Variants in PTPRJ observed in about 807,000 individuals in gnomAD.
PTPRJ encodes the protein protein tyrosine phosphatase receptor type J, also known as receptor-type tyrosine-protein phosphatase eta.
Under a neutral mutation model 141.3 loss-of-function variants are expected in PTPRJ, and 129 were observed. That is an observed-to-expected ratio of 0.91 (90% CI 0.79 to 1.06). PTPRJ has a LOEUF of 1.06. Among genes scored for constraint, PTPRJ ranks in the 50% least tolerant of loss-of-function variants. The pLI is 0.00. For missense variants in PTPRJ, 1,601 were observed against 1,679.7 expected, an observed-to-expected ratio of 0.95 and a Z score of 0.82; for synonymous variants, 610 against 640.5, an observed-to-expected ratio of 0.95 and a Z score of 0.72.
intron 1 of PTPRJ, among the ~76,000 whole-genome samples, chr11:48,072,755 C>A (rs1032127449): frequency 6.6e-6 from 1 of 152,024 alleles, no homozygotes; most frequent in Non-Finnish European, 1.5e-5. Context: ...TGATATACTG[C>A]GCTACTGGTG....
intron 3 of PTPRJ, among the ~76,000 whole-genome samples, chr11:48,115,103 AG>A (rs1856532562): frequency 6.6e-6 from 1 of 152,208 alleles, no homozygotes; most frequent in Admixed American, 6.5e-5. Context: ...GAGTTCATCT[AG>A]GGGAAGAGAA....
chr11:47,997,448 G>A (rs1854369234), intron 1 of PTPRJ, among the ~76,000 whole-genome samples: 1 of 152,166 alleles, frequency 6.6e-6, no homozygotes, highest in Non-Finnish European at 1.5e-5. Context: ...GGTTGCCAGG[G>A]CTCAAAAGAG....
Position 48,167,654 on chromosome 11 carries a change from T to A in PTPRJ, c.*292T>A. 1 of 276,622 alleles carries A rather than the reference T, an allele frequency of 3.6e-6. No homozygotes were observed. 17.1% of individuals were successfully genotyped at this position (276,622 alleles called of 1,614,324 possible). On this transcript the variant is annotated 3_prime_UTR_variant, in exon 25 of 25. Coordinates refer to ENST00000418331, the MANE Select transcript of PTPRJ (RefSeq NM_002843.4). ...GTGGAAAACCAGGAAAAGGGAGCTA[T>A]GATTTTTTTTTCCAAAACAATTTCT...
intron 1 of PTPRJ, among the ~76,000 whole-genome samples, chr11:48,043,479 T>C (rs929446946): frequency 6.6e-5 from 10 of 152,188 alleles, no homozygotes; most frequent in African/African-American, 2.2e-4. Context: ...TAGAGGGCTG[T>C]GGGAGCTGAG....
rs527294233 is a variant in PTPRJ, at chr11:48,078,141, C to A, written c.97-31917C>A. Among the ~76,000 whole-genome samples, 11 of 151,916 alleles carry A rather than the reference C, an allele frequency of 7.2e-5. No homozygotes were observed. In the South Asian group the frequency reaches 1.9e-3, roughly 26 times the overall value. ...TGGTGCGATCTTGGCTCACTGCAAC[C>A]TCTGCCGCCCAGATTCAAGCAATTT... is the stretch of plus-strand genomic sequence containing the variant. On this transcript the variant is annotated intron_variant, in intron 1 of 24. Transcript: ENST00000418331.
At position 47,992,276 on chromosome 11, in the gene PTPRJ, C is replaced by T. The variant is rs564955137; in HGVS notation, c.96+11268C>T. Among the ~76,000 whole-genome samples, 8 of 152,150 alleles carry T rather than the reference C, an allele frequency of 5.3e-5. No homozygotes were observed. In the South Asian group the frequency reaches 8.3e-4, roughly 16 times the overall value. ...GTAACCTCCGCCTTCTGGGTTCAAG[C>T]GATTCTTGTGCCTCAGCCTCCTGAG... On this transcript the variant is annotated intron_variant, in intron 1 of 24. Coordinates refer to ENST00000418331, the MANE Select transcript of PTPRJ (RefSeq NM_002843.4).
chr11:48,049,515 TAAAAC>T (rs71457242), intron 1 of PTPRJ, among the ~76,000 whole-genome samples: 38,130 of 140,630 alleles, frequency 0.27, 5,286 homozygotes, highest in Non-Finnish European at 0.29. Context: ...CCGTCTCTAC[TAAAAC>T]AAAACAAAAC....
chr11:48,085,359 C>T (rs901754186), intron 1 of PTPRJ, among the ~76,000 whole-genome samples: 3 of 150,190 alleles, frequency 2.0e-5, no homozygotes, highest in East Asian at 1.9e-4. Context: ...TTTTTTGAAA[C>T]GGAGTTTCAC....
intron 1 of PTPRJ, among the ~76,000 whole-genome samples, chr11:48,068,389 T>C (rs1180063611): frequency 1.3e-5 from 2 of 152,162 alleles, no homozygotes; most frequent in African/African-American, 4.8e-5. Flanking sequence ...TCCCATACTA[T>C]TCTGGTGGTA....
rs200659500 is a variant in PTPRJ, at chr11:48,143,012, C to A, written c.2537C>A (p.Pro846His). 6.2e-7 allele frequency: 1 copy of A among 1,614,140 alleles called. No individual in the cohort carries two copies. Among genetic ancestry groups the A allele is most frequent in the African/African-American group, 1.3e-5 (1 of 75,038 alleles). Residue 846 changes from proline (P) to histidine (H), a missense_variant, in exon 12 of 25, where the codon CCC becomes CAC. Pro to His is a moderately conservative substitution (Grantham distance 77, BLOSUM62 -2). Coordinates refer to ENST00000418331, the MANE Select transcript of PTPRJ (RefSeq NM_002843.4). Reference protein sequence around the residue: ...KFSGFEASHGPIKAYAVILTT... With the variant: ...KFSGFEASHGHIKAYAVILTT... ...AGTGGATTTGAAGCCAGCCACGGAC[C>A]CATCAAAGCCTATGCTGTCATTCTC...
At chr11:48,083,388 C>G (rs1043789889) in intron 1 of PTPRJ, among the ~76,000 whole-genome samples, 1 of 152,240 alleles carries the variant, frequency 6.6e-6, no homozygotes, top group African/African-American at 2.4e-5. Context: ...GACATCATGT[C>G]ATTGCACTCC....
chr11:47,981,971 A>T (rs1853922540), intron 1 of PTPRJ, among the ~76,000 whole-genome samples: 1 of 152,180 alleles, frequency 6.6e-6, no homozygotes, highest in Non-Finnish European at 1.5e-5. Flanking sequence ...TCTGCAAATG[A>T]CCATCTTGCT....
At chr11:48,151,346 G>A (rs1356643665) in intron 18 of PTPRJ, among the ~76,000 whole-genome samples, 1 of 151,188 alleles carries the variant, frequency 6.6e-6, no homozygotes, top group African/African-American at 2.4e-5. Flanking sequence ...CTCCCCTCAT[G>A]TGTCTATGTC....
chr11:48,045,149 C>G (rs1267067367), intron 1 of PTPRJ, among the ~76,000 whole-genome samples: 1 of 152,132 alleles, frequency 6.6e-6, no homozygotes, highest in Non-Finnish European at 1.5e-5. Flanking sequence ...AATTTGAGGC[C>G]TGGATTTTGA....
chr11:47,980,988 C>T lies in PTPRJ; in HGVS notation c.76C>T (p.Leu26=), dbSNP rs1362129712. Reference sequence around the variant, plus strand: ...GCGCTGGGCGCTGCCGCTGCTGCTGCTGCTGCTGCGCCTGGGCCAGGTAAG... The same window carrying T: ...GCGCTGGGCGCTGCCGCTGCTGCTGTTGCTGCTGCGCCTGGGCCAGGTAAG... ...GLRWALPLLL[L]LLRLGQILCA... is the part of the protein sequence containing the mutation. Residue 26 remains leucine (L), a synonymous_variant, in exon 1 of 25, where the codon CTG becomes TTG. Coordinates refer to ENST00000418331, the MANE Select transcript of PTPRJ (RefSeq NM_002843.4). 32 of 1,186,518 alleles carry T rather than the reference C, an allele frequency of 2.7e-5. No homozygotes were observed. Among genetic ancestry groups the T allele is most frequent in the Non-Finnish European group, 3.3e-5 (32 of 960,304 alleles). 73.5% of individuals were successfully genotyped at this position (1,186,518 alleles called of 1,614,324 possible).
chr11:48,136,458 G>T (rs1857105198), intron 9 of PTPRJ, among the ~76,000 whole-genome samples, 162 bp downstream of exon 9: 1 of 152,206 alleles, frequency 6.6e-6, no homozygotes, highest in African/African-American at 2.4e-5. Context: ...TGTCACCATG[G>T]GGCACTGTTC....
At chr11:48,089,080 C>T (rs980515627) in intron 1 of PTPRJ, among the ~76,000 whole-genome samples, 1 of 152,134 alleles carries the variant, frequency 6.6e-6, no homozygotes, top group Non-Finnish European at 1.5e-5. Context: ...TCTTTAAGAA[C>T]CACTTTGAAC....
At chr11:48,047,990 C>T (rs569628746) in intron 1 of PTPRJ, among the ~76,000 whole-genome samples, 24 of 152,264 alleles carry the variant, frequency 1.6e-4, no homozygotes, top group South Asian at 4.1e-4. Context: ...TGGTCATTAA[C>T]GGCTTTTGGG....
chr11:48,110,098 A>C (rs201180254), intron 2 of PTPRJ, 22 bp downstream of exon 2: 1 of 1,610,870 alleles, frequency 6.2e-7, no homozygotes, highest in Non-Finnish European at 8.5e-7. Context: ...TTTCCTCTCT[A>C]TTCTTGTGTT....
Sources: allele counts gnomAD v4.1 joint callset (sites outside exome capture counted in the v4.1 genomes callset), GRCh38; gene constraint gnomAD v4.1.1; transcripts MANE v1.5; gene names NCBI Gene and HGNC (gene_info 2026-07-23, HGNC 2026-07-21).